The following EHMT1 variants were observed in gnomAD, a reference collection of about 807,000 sequenced individuals.
EHMT1 encodes the protein euchromatic histone lysine methyltransferase 1.
Under a neutral mutation model 147.2 loss-of-function variants are expected in EHMT1, and 15 were observed. That is an observed-to-expected ratio of 0.10 (90% CI 0.07 to 0.16). The LOEUF (loss-of-function observed/expected upper bound fraction) is 0.16. Among genes scored for constraint, EHMT1 ranks in the 10% least tolerant of loss-of-function variants. The pLI is 1.00. For missense variants in EHMT1, 1,587 were observed against 1,772.4 expected, an observed-to-expected ratio of 0.90 and a Z score of 1.88; for synonymous variants, 795 against 709.6, an observed-to-expected ratio of 1.12 and a Z score of -1.91.
intron 3 of EHMT1, among the ~76,000 whole-genome samples, chr9:137,719,569 A>C (rs1012240440): frequency 3.3e-5 from 5 of 152,218 alleles, no homozygotes; most frequent in Non-Finnish European, 7.3e-5. Context: ...GTACATGGCA[A>C]AGCTTTAGAA....
chr9:137,793,523 G>T (rs1033311645), intron 16 of EHMT1, among the ~76,000 whole-genome samples: 1 of 152,248 alleles, frequency 6.6e-6, no homozygotes, highest in African/African-American at 2.4e-5. Flanking sequence ...GCTGTGATCT[G>T]TAGCAACTCC....
At chr9:137,662,710 C>T (rs1458356527) in intron 1 of EHMT1, among the ~76,000 whole-genome samples, 12 of 151,878 alleles carry the variant, frequency 7.9e-5, no homozygotes, top group African/African-American at 1.9e-4. Flanking sequence ...CGTGTTGGCC[C>T]GGCTGGTCTC....
In EHMT1 at chr9:137,813,383, C is replaced by T; in HGVS notation, c.3036-3C>T. ...CAGGTGACACCTGTCCTTTCCATGG[C>T]AGGGACATCGCTCGAGGCTACGAGC... On this transcript the variant is annotated splice_polypyrimidine_tract_variant and splice_region_variant and intron_variant, in intron 20 of 26. Transcript: ENST00000460843. The surrounding 1 kb of genome is among the most constrained non-coding windows in gnomAD (Gnocchi z 4.9). 6.2e-7 allele frequency: 1 copy of T among 1,610,010 alleles called. No individual in the cohort carries two copies. Among genetic ancestry groups the T allele is most frequent in the Non-Finnish European group, 8.5e-7 (1 of 1,178,946 alleles).
At chr9:137,825,530 C>A (rs1955750421) in intron 25 of EHMT1, among the ~76,000 whole-genome samples, 1 of 152,146 alleles carries the variant, frequency 6.6e-6, no homozygotes, top group African/African-American at 2.4e-5. Flanking sequence ...TTTGGCTGGG[C>A]CATCAGTCTT....
chr9:137,803,474 C>T (rs150550672), intron 18 of EHMT1: 141 of 219,682 alleles, frequency 6.4e-4, no homozygotes, highest in African/African-American at 3.0e-3. Context: ...CTTTCCCTCG[C>T]GTCCTTAAGC....
intron 6 of EHMT1, among the ~76,000 whole-genome samples, chr9:137,751,791 G>C (rs1039947530): frequency 6.6e-6 from 1 of 152,160 alleles, no homozygotes; most frequent in Non-Finnish European, 1.5e-5. Flanking sequence ...TGTCGTCTGT[G>C]GGCCCACGTC....
intron 1 of EHMT1, among the ~76,000 whole-genome samples, chr9:137,702,920 T>C (rs1210221021): frequency 6.6e-6 from 1 of 152,226 alleles, no homozygotes; most frequent in Non-Finnish European, 1.5e-5. Flanking sequence ...ATTACAGGCA[T>C]GCGCCACCAC....
At chr9:137,803,486 G>A (rs1006700486) in intron 18 of EHMT1, 6 of 188,666 alleles carry the variant, frequency 3.2e-5, no homozygotes, top group Non-Finnish European at 4.9e-5. Context: ...TCCTTAAGCC[G>A]AGATCCCCAT....
At chr9:137,678,361 CTGAG>C (rs1455489112) in intron 1 of EHMT1, among the ~76,000 whole-genome samples, 3 of 152,158 alleles carry the variant, frequency 2.0e-5, no homozygotes, top group East Asian at 3.9e-4. Flanking sequence ...CATAACGCTG[CTGAG>C]TAAGTTGGTA....
At position 137,760,877 on chromosome 9, in the gene EHMT1, G is replaced by A. The variant is rs567413623; in HGVS notation, c.1502-1798G>A. Among the ~76,000 whole-genome samples the A allele has an allele frequency of 4.6e-5, 7 of 152,314 alleles. No individual in the cohort carries two copies. The South Asian group carries it at 8.3e-4, about 18-fold the overall frequency. On this transcript the variant is annotated intron_variant, in intron 9 of 26. Transcript: ENST00000460843. ...CAAAAAATTAGCCAGGCGTGGTGGCGGGCGCCTGTAGTCCCAGCTACTTGG... is the reference window on the plus strand; with the variant it reads ...CAAAAAATTAGCCAGGCGTGGTGGCAGGCGCCTGTAGTCCCAGCTACTTGG...
chr9:137,722,688 G>GCC (rs1946183473), intron 3 of EHMT1, among the ~76,000 whole-genome samples: 1 of 151,662 alleles, frequency 6.6e-6, no homozygotes, highest in Admixed American at 6.6e-5. Context: ...GCCCCCCTGT[G>GCC]CCCCCGGTAT....
chr9:137,642,348 G>T (rs1844553082), intron 1 of EHMT1, among the ~76,000 whole-genome samples: 1 of 151,762 alleles, frequency 6.6e-6, no homozygotes, highest in African/African-American at 2.4e-5. Context: ...AGGCTGGAGC[G>T]CAGTGAGTAT....
At chr9:137,680,100 G>T (rs776346525) in intron 1 of EHMT1, among the ~76,000 whole-genome samples, 1 of 152,104 alleles carries the variant, frequency 6.6e-6, no homozygotes, top group African/African-American at 2.4e-5. Flanking sequence ...ATGCCTCTAC[G>T]TTGTATCTGT....
chr9:137,619,224 G>A (rs1001824660), intron 1 of EHMT1, among the ~76,000 whole-genome samples, 175 bp downstream of exon 1: 8 of 142,462 alleles, frequency 5.6e-5, no homozygotes, highest in African/African-American at 2.0e-4. Flanking sequence ...CCGGGCCGAG[G>A]CCGCCGGGCG....
intron 1 of EHMT1, among the ~76,000 whole-genome samples, chr9:137,630,889 T>G (rs1241329125): frequency 2.6e-5 from 4 of 151,996 alleles, no homozygotes; most frequent in African/African-American, 9.7e-5. Flanking sequence ...GGTAACAAGT[T>G]GGGAAGTTTC....
At chr9:137,810,699 T>C (rs1319860882) in intron 18 of EHMT1, among the ~76,000 whole-genome samples, 1 of 150,578 alleles carries the variant, frequency 6.6e-6, no homozygotes, top group Admixed American at 6.6e-5. Context: ...AAAGTAAAAT[T>C]TTTTGTTTTT....
At chr9:137,743,572 G>A (rs755085175) in intron 5 of EHMT1, 44 bp downstream of exon 5, 1 of 1,613,336 alleles carries the variant, frequency 6.2e-7, no homozygotes, top group South Asian at 1.1e-5. Flanking sequence ...GCGTGGAAAT[G>A]CGTTTCTGTG....
intron 25 of EHMT1, among the ~76,000 whole-genome samples, chr9:137,827,568 C>T (rs1464116808): frequency 6.6e-6 from 1 of 152,190 alleles, no homozygotes; most frequent in Non-Finnish European, 1.5e-5. Context: ...CTGGGTCTGC[C>T]CCAGCCCTGG....
intron 1 of EHMT1, among the ~76,000 whole-genome samples, chr9:137,631,439 C>T (rs572379036): frequency 6.6e-6 from 1 of 152,152 alleles, no homozygotes; most frequent in Admixed American, 6.6e-5. Context: ...AAAAGTACCT[C>T]CCTAGCCACT....
Sources: allele counts gnomAD v4.1 joint callset (sites outside exome capture counted in the v4.1 genomes callset), GRCh38; gene constraint gnomAD v4.1.1; non-coding constraint Gnocchi (gnomAD v3.1); transcripts MANE v1.5; gene names NCBI Gene and HGNC (gene_info 2026-07-23, HGNC 2026-07-21).